DPP6: variants seen among roughly 807,000 people sequenced by gnomAD.
The protein encoded by DPP6 is A-type potassium channel modulatory protein DPP6.
DPP6 carries 69 observed loss-of-function variants against 122.6 expected under a neutral mutation model. The ratio of observed to expected loss-of-function variants is 0.56; its 90% CI spans 0.46 to 0.69. The LOEUF (loss-of-function observed/expected upper bound fraction) is 0.69, where lower values mean the gene tolerates loss of function less well. DPP6 is among the 30% of genes least tolerant of loss of function. The pLI is 0.00. For missense variants in DPP6, 928 were observed against 1,116.9 expected, an observed-to-expected ratio of 0.83 and a Z score of 2.41; for synonymous variants, 418 against 433.1, an observed-to-expected ratio of 0.97 and a Z score of 0.43.
intron 17 of DPP6, among the ~76,000 whole-genome samples, chr7:154,860,615 T>C (rs57604251): frequency 6.6e-6 from 1 of 152,182 alleles, no homozygotes; most frequent in African/African-American, 2.4e-5. Flanking sequence ...TGGCACTTGC[T>C]GGGGTGGCGA....
chr7:154,875,328 G>A lies in DPP6; in HGVS notation c.1884-578G>A, dbSNP rs889746365. Among the ~76,000 whole-genome samples, 2 of 152,148 alleles carry A rather than the reference G, an allele frequency of 1.3e-5. No individual in the cohort carries two copies. The highest frequency in any genetic ancestry group is 1.9e-4 in the East Asian group (1 of 5,178). ...CTGGGAGGAGAGCACAGTGGGAGCC[G>A]CCAGCCCAGGTCGGAGGCCACACTG... On this transcript the variant is annotated intron_variant, in intron 19 of 25. Coordinates refer to ENST00000377770, the MANE Select transcript of DPP6 (RefSeq NM_130797.4). The surrounding 1 kb of genome is among the most constrained non-coding windows in gnomAD (Gnocchi z 4.5).
upstream of DPP6, among the ~76,000 whole-genome samples, chr7:154,051,049 C>G (rs1800281215): frequency 7.8e-6 from 1 of 128,138 alleles, no homozygotes; most frequent in Non-Finnish European, 1.7e-5. Flanking sequence ...GCAGGCCTCT[C>G]TCTGGGCTTG....
At chr7:154,616,509 G>T (rs1451412779) in intron 5 of DPP6, among the ~76,000 whole-genome samples, 2 of 152,090 alleles carry the variant, frequency 1.3e-5, no homozygotes, top group Admixed American at 1.3e-4. Flanking sequence ...CAAACACAGA[G>T]AGTTGCTGGT....
intron 1 of DPP6, among the ~76,000 whole-genome samples, chr7:154,157,858 G>A (rs1233415697): frequency 4.0e-5 from 6 of 151,852 alleles, no homozygotes; most frequent in Middle Eastern, 3.4e-3. Flanking sequence ...GCTTGAACCC[G>A]GGAGGCAGAG....
rs78076326 is a variant in DPP6, at chr7:154,495,824, A to G, written c.457+20787A>G. On this transcript the variant is annotated intron_variant, in intron 3 of 25. Transcript: ENST00000377770. The stretch of plus-strand genomic sequence containing the variant: ...GTCCAACAACAAGTGGGCGAGTCAC[A>G]AACACCAACAGCTGTGTGTGTACCC... Among the ~76,000 whole-genome samples, 1,092 of 152,346 alleles carry G rather than the reference A, an allele frequency of 7.2e-3. 3 individuals are homozygous for G. The highest frequency in any genetic ancestry group is 0.02 in the Middle Eastern group (6 of 294).
the DPP6 span, among the ~76,000 whole-genome samples, chr7:153,765,367 C>A: frequency 3.8e-4 from 18 of 47,434 alleles, no homozygotes; most frequent in African/African-American, 1.1e-3. Flanking sequence ...TATGGTGAAA[C>A]CTGTCTCTAC....
intron 1 of DPP6, among the ~76,000 whole-genome samples, chr7:154,398,118 G>A (rs1157705772): frequency 6.6e-6 from 1 of 152,178 alleles, no homozygotes; most frequent in Non-Finnish European, 1.5e-5. Context: ...CAGGGTGTGA[G>A]GTTGAGGGTG....
intron 1 of DPP6, among the ~76,000 whole-genome samples, chr7:153,923,140 C>T (rs1158941335): frequency 6.6e-6 from 1 of 152,088 alleles, no homozygotes; most frequent in Non-Finnish European, 1.5e-5. Context: ...GGCGTCCTAG[C>T]GGGAAAGAGG....
chr7:154,199,646 G>A (rs116321751), intron 1 of DPP6, among the ~76,000 whole-genome samples: 5,603 of 150,122 alleles, frequency 0.037, 343 homozygotes, highest in African/African-American at 0.13. Flanking sequence ...GTCTTGCTCA[G>A]TCACCAAGGC....
chr7:153,808,451 G>A, the DPP6 span, among the ~76,000 whole-genome samples: 1 of 152,010 alleles, frequency 6.6e-6, no homozygotes. Flanking sequence ...GCGTGTGTGT[G>A]TGTATGTGTG....
intron 1 of DPP6, among the ~76,000 whole-genome samples, chr7:154,077,996 T>G (rs1358258585): frequency 6.6e-6 from 1 of 152,196 alleles, no homozygotes; most frequent in African/African-American, 2.4e-5. Flanking sequence ...ATTTTTCTGT[T>G]ATTATTTCTT....
chr7:154,480,207 C>T (rs1250359266), intron 3 of DPP6, among the ~76,000 whole-genome samples: 1 of 152,182 alleles, frequency 6.6e-6, no homozygotes, highest in South Asian at 2.1e-4. Context: ...TACCTTAACA[C>T]AAACACCTCA....
chr7:154,084,868 G>C (rs2533666), intron 1 of DPP6, among the ~76,000 whole-genome samples: 5 of 151,526 alleles, frequency 3.3e-5, no homozygotes, highest in Non-Finnish European at 4.4e-5. Context: ...TGGGCGCCTG[G>C]AGTCCCAGCT....
intron 16 of DPP6, among the ~76,000 whole-genome samples, chr7:154,839,972 A>G (rs1252140626): frequency 6.6e-6 from 1 of 152,062 alleles, no homozygotes; most frequent in Non-Finnish European, 1.5e-5. Context: ...TAGCATGGAG[A>G]TGGGAGGTAT....
intron 16 of DPP6, among the ~76,000 whole-genome samples, chr7:154,843,589 G>A (rs1488820129): frequency 6.6e-6 from 1 of 152,212 alleles, no homozygotes; most frequent in African/African-American, 2.4e-5. Context: ...CCCCATCACA[G>A]AGAGTTGTGA....
intron 3 of DPP6, among the ~76,000 whole-genome samples, chr7:154,520,420 G>A (rs2129956068): frequency 6.6e-6 from 1 of 152,386 alleles, no homozygotes; most frequent in Non-Finnish European, 1.5e-5. Context: ...TCAGGACTCT[G>A]CTTTAGAGGT....
At chr7:154,001,138 C>T (rs970573454) in intron 1 of DPP6, among the ~76,000 whole-genome samples, 4 of 151,674 alleles carry the variant, frequency 2.6e-5, no homozygotes, top group Non-Finnish European at 2.9e-5. Flanking sequence ...AGCCTAGGGT[C>T]GGATGTCCCA....
intron 1 of DPP6, among the ~76,000 whole-genome samples, chr7:153,896,535 T>C (rs993905976): frequency 2.6e-5 from 4 of 152,214 alleles, no homozygotes; most frequent in Non-Finnish European, 5.9e-5. Flanking sequence ...CTGGGCACAG[T>C]GGCTCACACC....
chr7:153,884,848 T>C (rs38983), upstream of DPP6, among the ~76,000 whole-genome samples: 103,770 of 150,644 alleles, frequency 0.69, 35,923 homozygotes, highest in African/African-American at 0.76. Flanking sequence ...GGCGTGGTGG[T>C]GGGCACCTGT....
Sources: gnomAD v4.1 joint callset for allele counts (sites outside exome capture counted in the v4.1 genomes callset) on GRCh38, gnomAD v4.1.1 for gene constraint, Gnocchi (gnomAD v3.1) non-coding constraint, MANE v1.5 for transcripts, NCBI Gene and HGNC (gene_info 2026-07-23, HGNC 2026-07-21) for gene names.